ZNF736: variants seen among roughly 807,000 people sequenced by gnomAD.
ZNF736 encodes the protein zinc finger protein 736.
ZNF736 carries 6 observed loss-of-function variants against 11.7 expected under a neutral mutation model. The ratio of observed to expected loss-of-function variants is 0.51; its 90% CI spans 0.28 to 1.01. ZNF736 has a LOEUF of 1.01. ZNF736 is among the 50% of genes least tolerant of loss of function. ZNF736 has a pLI of 0.09. For synonymous variants in ZNF736, 139 were observed against 164.7 expected (o/e 0.84, Z 1.19); for missense variants, 444 against 496.0 (o/e 0.90, Z 1.00).
chr7:64,327,239 G>T (rs1399476011), intron 1 of ZNF736, among the ~76,000 whole-genome samples: 2 of 152,116 alleles, frequency 1.3e-5, no homozygotes, highest in African/African-American at 4.8e-5. Flanking sequence ...TGCAGTTGTT[G>T]TATTTTCTTG....
In ZNF736 at chr7:64,349,223, A is replaced by AGGATC; in HGVS notation, c.*76_*77insGGATC. 5.0e-6 allele frequency: 6 copies of AGGATC among 1,210,250 alleles called. No individual in the cohort carries two copies. Among genetic ancestry groups the AGGATC allele is most frequent in the Non-Finnish European group, 6.7e-6 (6 of 891,374 alleles). 75.0% of individuals were successfully genotyped at this position (1,210,250 alleles called of 1,614,324 possible). On this transcript the variant is annotated 3_prime_UTR_variant, in exon 4 of 4. Coordinates refer to ENST00000423484, the MANE Select transcript of ZNF736 (RefSeq NM_001170905.3). ...ATTTAATACTGAACAAATGCAGTAT[A>AGGATC]AATGTAATGACAGTGGAAGAACATT... is the stretch of plus-strand genomic sequence containing the variant.
rs1295479885 is a variant in ZNF736 at position 64,349,461 on chromosome 7, C to T, written c.*314C>T. The stretch of plus-strand genomic sequence containing the variant: ...CTTTTCTTTTTCCCTTTATTTTGAG[C>T]TTATTTGAGATGGGTGTCTTGATTA... On this transcript the variant is annotated 3_prime_UTR_variant, in exon 4 of 4. Transcript: ENST00000423484. 1 of 217,978 alleles carries T rather than the reference C, an allele frequency of 4.6e-6. No individual in the cohort carries two copies. Among genetic ancestry groups the T allele is most frequent in the Non-Finnish European group, 9.1e-6 (1 of 110,276 alleles). The allele number at this position is 217,978 out of a possible 1,614,324, so 13.5% of individuals were successfully genotyped here. A position where few individuals can be genotyped will look rare whatever the true frequency, so the allele number is the denominator to read the frequency against.
intron 1 of ZNF736, among the ~76,000 whole-genome samples, chr7:64,314,773 C>T (rs1395104692): frequency 6.6e-6 from 1 of 152,126 alleles, no homozygotes; most frequent in Non-Finnish European, 1.5e-5. Flanking sequence ...CCATGTTGCT[C>T]AGGCTGGTCT....
chr7:64,348,463 C>G lies in ZNF736; in HGVS notation c.600C>G (p.Cys200Trp), dbSNP rs1466670657. 6.5e-7 allele frequency: 1 copy of G among 1,547,536 alleles called. No individual in the cohort carries two copies. The highest frequency in any genetic ancestry group is 8.7e-7 in the Non-Finnish European group (1 of 1,145,334). ...RHKKIHTVER[C>W]YKCEECGKAF... Reference sequence around the variant, plus strand: ...AGAAAATTCATACTGTAGAGAGATGCTACAAATGTGAAGAATGTGGCAAAG... The same window carrying G: ...AGAAAATTCATACTGTAGAGAGATGGTACAAATGTGAAGAATGTGGCAAAG... Residue 200 changes from cysteine (C) to tryptophan (W), a missense_variant, in exon 4 of 4, where the codon TGC becomes TGG. Cys to Trp is a radical substitution (Grantham distance 215, BLOSUM62 -2). Coordinates refer to ENST00000423484, the MANE Select transcript of ZNF736 (RefSeq NM_001170905.3).
chr7:64,336,977 A>T lies in ZNF736; in HGVS notation c.221A>T (p.His74Leu). 6.2e-7 allele frequency: 1 copy of T among 1,600,054 alleles called. No individual in the cohort carries two copies. The highest frequency in any genetic ancestry group is 1.7e-5 in the Admixed American group (1 of 57,674). Residue 74 changes from histidine (H) to leucine (L), a missense_variant, in exon 3 of 4, where the codon CAC becomes CTC. His to Leu is a moderately conservative substitution (Grantham distance 99, BLOSUM62 -3). Transcript: ENST00000423484. The part of the protein sequence containing the change: ...KVKRQEAVAK[H>L]PAGSFHFTAE... ...AAGAGACAGGAGGCAGTAGCCAAACACCCAGGTAGGTGGGAGTGAATGAAG... is the reference window on the plus strand; with the variant it reads ...AAGAGACAGGAGGCAGTAGCCAAACTCCCAGGTAGGTGGGAGTGAATGAAG...
chr7:64,330,249 C>T (rs1211268461), intron 1 of ZNF736, among the ~76,000 whole-genome samples: 2 of 151,992 alleles, frequency 1.3e-5, no homozygotes, highest in African/African-American at 2.4e-5. Context: ...CTCCGCCTCC[C>T]GGGTTCCCGC....
intron 1 of ZNF736, among the ~76,000 whole-genome samples, chr7:64,326,117 T>A (rs574175091): frequency 9.9e-5 from 15 of 152,048 alleles, no homozygotes; most frequent in South Asian, 2.1e-4. Context: ...AAAAAAAAAA[T>A]TTTCTTTCTC....
intron 1 of ZNF736, among the ~76,000 whole-genome samples, chr7:64,333,903 G>T (rs1480793910): frequency 2.6e-5 from 4 of 152,140 alleles, no homozygotes; most frequent in Admixed American, 6.5e-5. Flanking sequence ...ATACTACAAG[G>T]CTACAGTAAC....
chr7:64,335,315 G>A (rs181132194), intron 1 of ZNF736, among the ~76,000 whole-genome samples: 1 of 151,524 alleles, frequency 6.6e-6, no homozygotes, highest in East Asian at 1.9e-4. Context: ...AAAAAGTTTA[G>A]CCAAAAATTA....
chr7:64,346,857 C>T (rs1294076429), intron 3 of ZNF736, among the ~76,000 whole-genome samples: 3 of 151,480 alleles, frequency 2.0e-5, no homozygotes, highest in African/African-American at 7.3e-5. Context: ...TTCCATTTTA[C>T]TCATTGAGCA....
In ZNF736 at chr7:64,354,567, TTGTC is replaced by T. The variant is rs1178820715; in HGVS notation, c.*5424_*5427del. On this transcript the variant is annotated 3_prime_UTR_variant, in exon 4 of 4. Transcript: ENST00000423484. ...CTTGTGCAAATTCTTTTTTTGTTGT[TTGTC>T]TGTTTGCCTGTTGCTCACCATAGAC... 4 of 152,126 alleles carry T rather than the reference TTGTC, an allele frequency of 2.6e-5. No individual in the cohort carries two copies. Among genetic ancestry groups the T allele is most frequent in the African/African-American group, 4.8e-5 (2 of 41,436 alleles). The allele number at this position is 152,126 out of a possible 1,614,324, so 9.4% of individuals were successfully genotyped here. A position where few individuals can be genotyped will look rare whatever the true frequency, so the allele number is the denominator to read the frequency against.
At chr7:64,319,325 GTGTA>G (rs1486725088) in intron 1 of ZNF736, among the ~76,000 whole-genome samples, 3 of 70,376 alleles carry the variant, frequency 4.3e-5, no homozygotes, top group African/African-American at 1.8e-4. Context: ...ATGTGTGTGT[GTGTA>G]TGTGTATATA....
intron 1 of ZNF736, among the ~76,000 whole-genome samples, chr7:64,333,017 G>T (rs760431393): frequency 5.3e-5 from 8 of 152,116 alleles, no homozygotes; most frequent in Non-Finnish European, 8.8e-5. Flanking sequence ...TATTACAGTG[G>T]TCCTGAGGTG....
chr7:64,317,797 T>G (rs1788937968), intron 1 of ZNF736, among the ~76,000 whole-genome samples: 1 of 152,088 alleles, frequency 6.6e-6, no homozygotes, highest in African/African-American at 2.4e-5. Context: ...GCTTTCTATA[T>G]CCATTAAGTT....
At chr7:64,320,310 T>C (rs1430698639) in intron 1 of ZNF736, among the ~76,000 whole-genome samples, 1 of 152,180 alleles carries the variant, frequency 6.6e-6, no homozygotes, top group African/African-American at 2.4e-5. Context: ...AGACACAAGA[T>C]TTTAAGAAAT....
At chr7:64,330,841 A>C (rs1046299660) in intron 1 of ZNF736, among the ~76,000 whole-genome samples, 1 of 150,988 alleles carries the variant, frequency 6.6e-6, no homozygotes, top group Non-Finnish European at 1.5e-5. Context: ...TAGAACTGTC[A>C]CTCAGGAACT....
chr7:64,324,540 A>G (rs1481061699), intron 1 of ZNF736, among the ~76,000 whole-genome samples: 1 of 152,214 alleles, frequency 6.6e-6, no homozygotes, highest in African/African-American at 2.4e-5. Context: ...CCCCGGACAC[A>G]TGCACACTAT....
At chr7:64,335,026 A>G (rs545724654) in intron 1 of ZNF736, among the ~76,000 whole-genome samples, 6 of 149,756 alleles carry the variant, frequency 4.0e-5, no homozygotes, top group East Asian at 2.4e-4. Context: ...TCAGCAAACT[A>G]ACAAACTAAC....
chr7:64,344,100 C>G (rs1789376698), intron 3 of ZNF736, among the ~76,000 whole-genome samples: 1 of 152,104 alleles, frequency 6.6e-6, no homozygotes, highest in Non-Finnish European at 1.5e-5. Flanking sequence ...GTCAGAAGTT[C>G]AAGACCAGCC....
Sources: allele counts gnomAD v4.1 joint callset (sites outside exome capture counted in the v4.1 genomes callset), GRCh38; gene constraint gnomAD v4.1.1; transcripts MANE v1.5; gene names NCBI Gene and HGNC (gene_info 2026-07-23, HGNC 2026-07-21).